Variants in TMEM116 observed in about 807,000 individuals in gnomAD.
TMEM116 encodes transmembrane protein 116.
A neutral mutation model predicts 44.3 loss-of-function variants in TMEM116; 38 were observed. That is an observed-to-expected ratio of 0.86 (90% CI 0.66 to 1.12). TMEM116 has a LOEUF of 1.12. Among genes scored for constraint, TMEM116 ranks in the 50% most tolerant of loss-of-function variants. TMEM116 has a pLI of 0.00. For missense variants in TMEM116, 354 were observed against 401.7 expected, an observed-to-expected ratio of 0.88 and a Z score of 1.01; for synonymous variants, 132 against 144.8, an observed-to-expected ratio of 0.91 and a Z score of 0.64.
At chr12:111,989,242 A>C (rs573700659) in intron 4 of TMEM116, among the ~76,000 whole-genome samples, 1 of 152,318 alleles carries the variant, frequency 6.6e-6, no homozygotes, top group South Asian at 2.1e-4. Context: ...TCAAGCATGT[A>C]CCTCAGTCAT....
At chr12:111,964,541 C>T (rs181931431) in intron 4 of TMEM116, among the ~76,000 whole-genome samples, 1 of 151,932 alleles carries the variant, frequency 6.6e-6, no homozygotes, top group Non-Finnish European at 1.5e-5. Flanking sequence ...TTCTCATCAA[C>T]AATCCTCAAG....
chr12:112,005,522 T>A (rs1337204681), intron 1 of TMEM116: 1 of 478,660 alleles, frequency 2.1e-6, no homozygotes, highest in Non-Finnish European at 3.1e-6. Flanking sequence ...GGAAATAGTA[T>A]GATTTTTTAA....
chr12:111,978,273 T>C (rs949506378), intron 4 of TMEM116, among the ~76,000 whole-genome samples: 2 of 151,922 alleles, frequency 1.3e-5, no homozygotes, highest in Middle Eastern at 3.2e-3. Flanking sequence ...TGGTGGTGCA[T>C]GCCTGTAATC....
intron 4 of TMEM116, among the ~76,000 whole-genome samples, chr12:111,991,091 C>T (rs907602248): frequency 6.6e-5 from 10 of 151,472 alleles, no homozygotes; most frequent in African/African-American, 9.7e-5. Context: ...TGGTGGCACG[C>T]GCCTGTAGTC....
chr12:111,939,706 C>T (rs896263711), intron 5 of TMEM116, among the ~76,000 whole-genome samples: 1 of 149,750 alleles, frequency 6.7e-6, no homozygotes, highest in Non-Finnish European at 1.5e-5. Context: ...CACACATCTG[C>T]GGTCCCAGCA....
At position 111,939,451 on chromosome 12, in the gene TMEM116, C is replaced by CA. The variant is rs34320561; in HGVS notation, c.316-1242dup. ...CTGGTGACAGAATGAGAATCCGTCT[C>CA]AAAAAAAAAAAAAAAAAAAAAGTTT... On this transcript the variant is annotated intron_variant, in intron 5 of 10. Coordinates refer to ENST00000552374, the MANE Select transcript of TMEM116 (RefSeq NM_001193531.2). Among the ~76,000 whole-genome samples, 258 of 71,784 alleles carry CA rather than the reference C, an allele frequency of 3.6e-3. 3 individuals carry two copies. Among genetic ancestry groups the CA allele is most frequent in the South Asian group, 5.3e-3 (12 of 2,264 alleles). 47.1% of individuals were successfully genotyped at this position (71,784 alleles called of 152,430 possible). A position where few individuals can be genotyped will look rare whatever the true frequency, so the allele number is the denominator to read the frequency against.
intron 2 of TMEM116, 60 bp from the exon 3 acceptor site, chr12:112,003,923 G>T (rs900503151): frequency 2.1e-6 from 3 of 1,419,988 alleles, no homozygotes; most frequent in South Asian, 1.5e-5. Context: ...CATCGTTTTT[G>T]TTATTAATTT....
intron 3 of TMEM116, chr12:111,993,360 C>G: frequency 1.9e-6 from 1 of 531,160 alleles, no homozygotes; most frequent in South Asian, 1.5e-5. Flanking sequence ...AGGACAGGCT[C>G]TGACTTTCAT....
intron 4 of TMEM116, among the ~76,000 whole-genome samples, chr12:111,991,156 T>G (rs2076545161): frequency 7.0e-6 from 1 of 142,950 alleles, no homozygotes; most frequent in Non-Finnish European, 1.5e-5. Context: ...GAGGCGGAGG[T>G]TGCAGTGAGC....
intron 5 of TMEM116, among the ~76,000 whole-genome samples, chr12:111,941,754 C>A (rs1228272766): frequency 1.3e-5 from 2 of 152,040 alleles, no homozygotes; most frequent in African/African-American, 4.8e-5. Context: ...GAGTAAGAGA[C>A]AGAAATTTTA....
chr12:112,006,607 A>C (rs2077597126), intron 1 of TMEM116, among the ~76,000 whole-genome samples: 1 of 152,260 alleles, frequency 6.6e-6, no homozygotes, highest in Non-Finnish European at 1.5e-5. Flanking sequence ...TATAAAAAGA[A>C]ATAAGATATA....
chr12:112,002,564 CAAAA>C (rs11318946), intron 3 of TMEM116, among the ~76,000 whole-genome samples: 1 of 107,422 alleles, frequency 9.3e-6, no homozygotes. Flanking sequence ...GACTCCATCT[CAAAA>C]AAAAAAAAAA....
intron 4 of TMEM116, among the ~76,000 whole-genome samples, chr12:111,954,686 C>T (rs1395684102): frequency 2.0e-5 from 3 of 152,210 alleles, no homozygotes. Context: ...AAGCCTTAAA[C>T]TTCATGTCAT....
intron 3 of TMEM116, chr12:112,000,877 G>A (rs1214959119): frequency 4.5e-6 from 2 of 440,104 alleles, no homozygotes; most frequent in East Asian, 6.1e-5. Context: ...CCAATTCTCT[G>A]GTCTATTCTC....
At chr12:111,983,524 G>A (rs1266430489) in intron 4 of TMEM116, among the ~76,000 whole-genome samples, 4 of 152,054 alleles carry the variant, frequency 2.6e-5, no homozygotes, top group African/African-American at 9.7e-5. Context: ...TTGAGCCCAG[G>A]ATGTTGAAGC....
At chr12:111,956,832 T>C (rs1177152435) in intron 4 of TMEM116, among the ~76,000 whole-genome samples, 2 of 152,184 alleles carry the variant, frequency 1.3e-5, no homozygotes, top group Non-Finnish European at 2.9e-5. Flanking sequence ...TTGCCCAGGC[T>C]GGAGTGAGTG....
chr12:112,011,826 G>A (rs1002465724), intron 1 of TMEM116: 1 of 152,232 alleles, frequency 6.6e-6, no homozygotes, highest in South Asian at 2.1e-4. Context: ...AGCCTCCCAA[G>A]TACCTGGGAC....
intron 4 of TMEM116, among the ~76,000 whole-genome samples, chr12:111,949,035 G>A (rs1451987375): frequency 2.6e-5 from 4 of 152,130 alleles, no homozygotes; most frequent in African/African-American, 9.7e-5. Flanking sequence ...GGTTGCTTGA[G>A]CTTAGGAGTT....
chr12:111,973,221 A>G (rs1483359575), intron 4 of TMEM116, among the ~76,000 whole-genome samples: 1 of 152,268 alleles, frequency 6.6e-6, no homozygotes, highest in African/African-American at 2.4e-5. Context: ...TACATTATCA[A>G]TAACAGCATG....
Sources: allele counts gnomAD v4.1 joint callset (sites outside exome capture counted in the v4.1 genomes callset), GRCh38; gene constraint gnomAD v4.1.1; transcripts MANE v1.5; gene names NCBI Gene and HGNC (gene_info 2026-07-23, HGNC 2026-07-21).